Variants in SLC16A10 observed in about 807,000 individuals in gnomAD.
The protein encoded by SLC16A10 is solute carrier family 16 member 10.
Under a neutral mutation model 40.0 loss-of-function variants are expected in SLC16A10, and 27 were observed. The ratio of observed to expected loss-of-function variants is 0.67; its 90% CI spans 0.50 to 0.93. SLC16A10 has a LOEUF of 0.93. SLC16A10 is among the 40% of genes least tolerant of loss of function. SLC16A10 has a pLI of 0.00. For synonymous variants in SLC16A10, 213 were observed against 249.8 expected (o/e 0.85, Z 1.39); for missense variants, 529 against 658.2 (o/e 0.80, Z 2.15).
intron 1 of SLC16A10, among the ~76,000 whole-genome samples, chr6:111,092,314 T>TG (rs1491322685): frequency 4.2e-5 from 5 of 119,104 alleles, no homozygotes; most frequent in Middle Eastern, 3.6e-3. Flanking sequence ...CTTTTTTTGT[T>TG]GTTTTTTTTT....
rs1158604370 is a variant in SLC16A10 at position 111,178,357 on chromosome 6, T to C, written c.942+692T>C. ...ACTATGGTTTTATAGGAAATTAGGA[T>C]TTCAAGTGCTCAAGAAGTTTATATT... is the stretch of plus-strand genomic sequence containing the variant. On this transcript the variant is annotated intron_variant, in intron 3 of 5. Transcript: ENST00000368851. 9.4e-6 allele frequency: 5 copies of C among 531,150 alleles called. No individual in the cohort carries two copies. The African/African-American group carries it at 9.6e-5, about 10-fold the overall frequency. 32.9% of individuals were successfully genotyped at this position (531,150 alleles called of 1,614,324 possible).
Position 111,087,832 on chromosome 6 carries a change from C to T in SLC16A10, c.80C>T (p.Ala27Val). Reference sequence around the variant, plus strand: ...CCGCTCGGCCCCGCGCCCACGGGGGCCGCTCCGCCGCCCGGCCCGGGACCC... The same window carrying T: ...CCGCTCGGCCCCGCGCCCACGGGGGTCGCTCCGCCGCCCGGCCCGGGACCC... The part of the protein sequence containing the change: ...AQPLGPAPTG[A>V]APPPGPGPSD... Residue 27 changes from alanine to valine, a missense_variant, in exon 1 of 6, where the codon GCC becomes GTC. Coordinates refer to ENST00000368851, the MANE Select transcript of SLC16A10 (RefSeq NM_018593.5). 7.4e-7 allele frequency: 1 copy of T among 1,355,276 alleles called. No homozygotes were observed. Among genetic ancestry groups the T allele is most frequent in the Non-Finnish European group, 9.4e-7 (1 of 1,061,188 alleles). 84.0% of individuals were successfully genotyped at this position (1,355,276 alleles called of 1,614,324 possible).
rs1026679 is a variant in SLC16A10 at position 111,230,207 on chromosome 6, T to G, written c.*7972T>G. 18,375 of 151,834 alleles carry G rather than the reference T, an allele frequency of 0.12. 1,292 individuals are homozygous for G. Among genetic ancestry groups the G allele is most frequent in the East Asian group, 0.32 (1,655 of 5,112 alleles). 9.4% of individuals were successfully genotyped at this position (151,834 alleles called of 1,614,324 possible). A position where few individuals can be genotyped will look rare whatever the true frequency, so the allele number is the denominator to read the frequency against. Reference sequence around the variant, plus strand: ...TTCACCATGTTGGCCAGACTGGCCTTAAGTGATCCACCTGCCTCAGCCTCC... The same window carrying G: ...TTCACCATGTTGGCCAGACTGGCCTGAAGTGATCCACCTGCCTCAGCCTCC... On this transcript the variant is annotated 3_prime_UTR_variant, in exon 6 of 6. Transcript: ENST00000368851.
chr6:111,174,398 C>G (rs1413057569), intron 2 of SLC16A10, among the ~76,000 whole-genome samples: 1 of 151,750 alleles, frequency 6.6e-6, no homozygotes, highest in Non-Finnish European at 1.5e-5. Context: ...TTCCTCAACT[C>G]TAAAGTGAGC....
At chr6:111,146,842 G>A (rs915762537) in intron 1 of SLC16A10, among the ~76,000 whole-genome samples, 6 of 152,140 alleles carry the variant, frequency 3.9e-5, no homozygotes, top group African/African-American at 1.4e-4. Flanking sequence ...AAAACGTGGT[G>A]TATTAATAAA....
chr6:111,157,914 A>G (rs898063241), intron 1 of SLC16A10, among the ~76,000 whole-genome samples: 5 of 151,506 alleles, frequency 3.3e-5, no homozygotes, highest in East Asian at 1.9e-4. Context: ...CTAAAAAAAA[A>G]AAAAAGAAAA....
intron 1 of SLC16A10, among the ~76,000 whole-genome samples, chr6:111,154,673 A>G (rs1351462492): frequency 1.3e-5 from 2 of 152,166 alleles, no homozygotes; most frequent in African/African-American, 4.8e-5. Context: ...GCATCTCTTG[A>G]TGAAAGATGA....
chr6:111,221,741 G>C (rs1583371201), intron 5 of SLC16A10, among the ~76,000 whole-genome samples: 1 of 149,378 alleles, frequency 6.7e-6, no homozygotes, highest in Non-Finnish European at 1.5e-5. Flanking sequence ...GTGAGACCCT[G>C]TCTCAAAAAA....
chr6:111,157,481 A>G (rs1040483484), intron 1 of SLC16A10, among the ~76,000 whole-genome samples: 2 of 151,908 alleles, frequency 1.3e-5, no homozygotes, highest in Admixed American at 6.6e-5. Flanking sequence ...GATGGGTTTC[A>G]TTATGTTGGC....
At chr6:111,119,413 C>T (rs927371023) in intron 1 of SLC16A10, among the ~76,000 whole-genome samples, 7 of 152,126 alleles carry the variant, frequency 4.6e-5, no homozygotes, top group South Asian at 2.1e-4. Flanking sequence ...CTTTGTTAGA[C>T]GCTAACATTG....
chr6:111,093,887 T>C (rs1328689594), intron 1 of SLC16A10, among the ~76,000 whole-genome samples: 1 of 152,176 alleles, frequency 6.6e-6, no homozygotes, highest in Non-Finnish European at 1.5e-5. Flanking sequence ...GGTTCTAGGA[T>C]TTTGGAATAA....
chr6:111,165,579 G>A (rs1330577327), intron 1 of SLC16A10, among the ~76,000 whole-genome samples: 1 of 152,108 alleles, frequency 6.6e-6, no homozygotes, highest in Non-Finnish European at 1.5e-5. Context: ...TCACCAAGTG[G>A]CCAATATTTC....
chr6:111,132,177 G>C (rs998144789), intron 1 of SLC16A10, among the ~76,000 whole-genome samples: 4 of 152,020 alleles, frequency 2.6e-5, no homozygotes, highest in Non-Finnish European at 5.9e-5. Context: ...TTTGTAAAGG[G>C]CTAGGAGAAG....
chr6:111,109,737 C>G (rs754583411), intron 1 of SLC16A10, among the ~76,000 whole-genome samples: 1 of 152,074 alleles, frequency 6.6e-6, no homozygotes, highest in Non-Finnish European at 1.5e-5. Context: ...CAAGTGTGAG[C>G]CATCACACCT....
intron 1 of SLC16A10, among the ~76,000 whole-genome samples, chr6:111,113,425 A>T (rs967284500): frequency 6.6e-6 from 1 of 152,232 alleles, no homozygotes; most frequent in East Asian, 1.9e-4. Context: ...TTTTTCGATC[A>T]CATGGAAAGG....
chr6:111,183,983 A>G (rs921504041), intron 3 of SLC16A10, among the ~76,000 whole-genome samples: 5 of 152,234 alleles, frequency 3.3e-5, no homozygotes, highest in Non-Finnish European at 5.9e-5. Context: ...ACAATGATAA[A>G]TGCCAAATAT....
At chr6:111,178,487 T>TG (rs745424927) in intron 3 of SLC16A10, 4 of 525,502 alleles carry the variant, frequency 7.6e-6, no homozygotes, top group African/African-American at 1.9e-5. Context: ...CCCACCACTT[T>TG]GGGGGGCTGA....
At chr6:111,142,397 C>G (rs930179953) in intron 1 of SLC16A10, among the ~76,000 whole-genome samples, 2 of 152,056 alleles carry the variant, frequency 1.3e-5, no homozygotes, top group Admixed American at 1.3e-4. Flanking sequence ...ACATGAAACA[C>G]AAAACTATAC....
At chr6:111,190,157 T>C (rs764143841) in intron 3 of SLC16A10, among the ~76,000 whole-genome samples, 1 of 152,138 alleles carries the variant, frequency 6.6e-6, no homozygotes, top group Non-Finnish European at 1.5e-5. Flanking sequence ...ATAAAGGGGC[T>C]ACAGGCCCCA....
Sources: gnomAD v4.1 joint callset for allele counts (sites outside exome capture counted in the v4.1 genomes callset) on GRCh38, gnomAD v4.1.1 for gene constraint, MANE v1.5 for transcripts, NCBI Gene and HGNC (gene_info 2026-07-23, HGNC 2026-07-21) for gene names.